Variants in KDM1B observed in about 807,000 individuals in gnomAD.
The protein encoded by KDM1B is lysine demethylase 1B.
A neutral mutation model predicts 107.4 loss-of-function variants in KDM1B; 63 were observed. The observed-to-expected ratio is 0.59, with a 90% CI of 0.48 to 0.72. The LOEUF (loss-of-function observed/expected upper bound fraction) is 0.72, where lower values mean the gene tolerates loss of function less well. KDM1B is among the 30% of genes least tolerant of loss of function. KDM1B has a pLI of 0.00. For synonymous variants in KDM1B, 363 were observed against 363.9 expected (o/e 1.00, Z 0.03); for missense variants, 749 against 1,020.8 (o/e 0.73, Z 3.63).
intron 7 of KDM1B, among the ~76,000 whole-genome samples, chr6:18,177,543 A>T (rs1786104608): frequency 6.7e-6 from 1 of 150,292 alleles, no homozygotes. Context: ...TTGAGGCCAC[A>T]CCTATTTATT....
rs1018578347 is a variant in KDM1B, at chr6:18,155,536, C to G, written c.-93C>G. On this transcript the variant is annotated 5_prime_UTR_variant, in exon 1 of 22. Transcript: ENST00000650836. The surrounding 1 kb of genome is among the most constrained non-coding windows in gnomAD (Gnocchi z 6.2). ...GCGGCTCCGGAGAGGCGCCCGCAGT[C>G]CAGGGCGGCGCGCACCGCCTCGCTG... 11 of 152,856 alleles carry G rather than the reference C, an allele frequency of 7.2e-5. No homozygotes were observed. The highest frequency in any genetic ancestry group is 3.4e-3 in the Middle Eastern group (1 of 292). 9.5% of individuals were successfully genotyped at this position (152,856 alleles called of 1,614,324 possible).
Position 18,160,018 on chromosome 6 carries a change from G to T in KDM1B, c.87+36G>T, listed in dbSNP as rs780665431. ...TTTATTCATTCAACAAGCCTTTTTT[G>T]AGCATGCAGAATTACTGATTGGGAC... On this transcript the variant is annotated intron_variant, in intron 3 of 21. Coordinates refer to ENST00000650836, the MANE Select transcript of KDM1B (RefSeq NM_001364614.2). 21 of 1,373,462 alleles carry T rather than the reference G, an allele frequency of 1.5e-5. No individual in the cohort carries two copies. In the South Asian group the frequency reaches 2.3e-4, roughly 15 times the overall value. 85.1% of individuals were successfully genotyped at this position (1,373,462 alleles called of 1,614,324 possible). A position where few individuals can be genotyped will look rare whatever the true frequency, so the allele number is the denominator to read the frequency against.
In KDM1B at chr6:18,221,901, TTTTACAGGCAACAAACAGGC is replaced by T; in HGVS notation, c.2386-7_2398del. ...CATGATCTCAAATTATGTAATTATG[TTTTACAGGCAACAAACAGGC>T]ATTTCCCACAAACTGTTACAGGGGC... On this transcript the variant is annotated splice_acceptor_variant and splice_polypyrimidine_tract_variant and coding_sequence_variant and intron_variant, in exon 22 of 22. Coordinates refer to ENST00000650836, the MANE Select transcript of KDM1B (RefSeq NM_001364614.2). LOFTEE classifies it high-confidence loss of function. 1 of 1,593,488 alleles carries T rather than the reference TTTTACAGGCAACAAACAGGC, an allele frequency of 6.3e-7. No individual in the cohort carries two copies. Among genetic ancestry groups the T allele is most frequent in the Non-Finnish European group, 8.6e-7 (1 of 1,168,016 alleles).
intron 21 of KDM1B, among the ~76,000 whole-genome samples, chr6:18,221,221 C>T (rs566927527): frequency 4.6e-5 from 7 of 152,222 alleles, no homozygotes; most frequent in Non-Finnish European, 8.8e-5. Flanking sequence ...CTCTCCATTT[C>T]TTATCCTCCA....
In KDM1B at chr6:18,203,650, C is replaced by T. The variant is rs1416381961; in HGVS notation, c.1532-1887C>T. On this transcript the variant is annotated intron_variant, in intron 14 of 21. Coordinates refer to ENST00000650836, the MANE Select transcript of KDM1B (RefSeq NM_001364614.2). The surrounding 1 kb of genome is among the most constrained non-coding windows in gnomAD (Gnocchi z 5.5). ...GGTGGATCACCTGAGTTCAGGAGTT[C>T]GAGACCAGCCTGGCTAACATGGTGA... 2.6e-5 allele frequency among the ~76,000 whole-genome samples: 4 copies of T among 152,034 alleles called. No homozygotes were observed. Among genetic ancestry groups the T allele is most frequent in the Non-Finnish European group, 5.9e-5 (4 of 68,006 alleles).
chr6:18,175,706 A>G (rs1176720173), intron 7 of KDM1B, among the ~76,000 whole-genome samples: 4 of 152,066 alleles, frequency 2.6e-5, no homozygotes, highest in Non-Finnish European at 5.9e-5. Context: ...TTATCCCAGC[A>G]CCATTTGTTG....
At chr6:18,208,628 T>TATATATATATGTATA (rs1491350264) in intron 17 of KDM1B, among the ~76,000 whole-genome samples, 1 of 16,250 alleles carries the variant, frequency 6.2e-5, no homozygotes. Context: ...TATATATATA[T>TATATATATATGTATA]TTTTTTTTTT....
intron 10 of KDM1B, among the ~76,000 whole-genome samples, chr6:18,193,200 A>T (rs1293582019): frequency 6.6e-6 from 1 of 150,494 alleles, no homozygotes; most frequent in Non-Finnish European, 1.5e-5. Context: ...TGTCTAAAAA[A>T]AAAAAAAAAA....
intron 7 of KDM1B, 77 bp downstream of exon 7, chr6:18,171,556 ATGTAT>A: frequency 3.6e-6 from 3 of 825,884 alleles, no homozygotes; most frequent in South Asian, 2.7e-5. Flanking sequence ...TATGTTTTTC[ATGTAT>A]TGTGTTGATC....
intron 21 of KDM1B, 46 bp downstream of exon 21, chr6:18,217,931 G>C (rs887820503): frequency 6.3e-7 from 1 of 1,583,240 alleles, no homozygotes; most frequent in Non-Finnish European, 8.6e-7. Context: ...TTTGATTTCT[G>C]TCTTTCATCT....
intron 17 of KDM1B, 24 bp downstream of exon 17, chr6:18,208,230 G>T: frequency 1.3e-6 from 2 of 1,568,396 alleles, no homozygotes; most frequent in Non-Finnish European, 1.7e-6. Context: ...CAGTACAAGG[G>T]TGGGTAGAAA....
rs67631382 is a variant in KDM1B at position 18,157,808 on chromosome 6, C to CTTTTTTTTTTTTTTTTTTTTTTTTTTTT, written c.-14+1904_-14+1905insTTTTTTTTTTTTTTTTTTTTTTTTTTTT. ...GTATAACAATTATAGGTAGATAGTC[C>CTTTTTTTTTTTTTTTTTTTTTTTTTTTT]TTTTTTTTTTTTTTTTTTTTTTGAG... On this transcript the variant is annotated intron_variant, in intron 2 of 21. Coordinates refer to ENST00000650836, the MANE Select transcript of KDM1B (RefSeq NM_001364614.2). Among the ~76,000 whole-genome samples the CTTTTTTTTTTTTTTTTTTTTTTTTTTTT allele has an allele frequency of 2.6e-5, 3 of 115,632 alleles. 1 individual carries two copies. The highest frequency in any genetic ancestry group is 3.4e-5 in the Non-Finnish European group (2 of 58,530). 75.9% of individuals were successfully genotyped at this position (115,632 alleles called of 152,430 possible). A position where few individuals can be genotyped will look rare whatever the true frequency, so the allele number is the denominator to read the frequency against.
chr6:18,166,184 T>C (rs1785281843), intron 5 of KDM1B, 83 bp from the exon 6 acceptor site: 1 of 663,312 alleles, frequency 1.5e-6, no homozygotes, highest in Non-Finnish European at 2.7e-6. Flanking sequence ...TAAGATTTAC[T>C]AACCTGCCTC....
intron 6 of KDM1B, 106 bp downstream of exon 6, chr6:18,166,484 T>G (rs1409364641): frequency 1.4e-6 from 1 of 702,174 alleles, no homozygotes; most frequent in Non-Finnish European, 2.6e-6. Flanking sequence ...TTATTGTTCC[T>G]TCTATGACTA....
intron 7 of KDM1B, among the ~76,000 whole-genome samples, chr6:18,178,730 T>C (rs1786221663): frequency 6.6e-6 from 1 of 152,228 alleles, no homozygotes; most frequent in Non-Finnish European, 1.5e-5. Context: ...AGTTGTGCAC[T>C]GTTGCAACTA....
At position 18,221,984 on chromosome 6, in the gene KDM1B, G is replaced by A. The variant is rs775814508; in HGVS notation, c.2461G>A (p.Ala821Thr). The change falls in exon 22 of 22, where the codon GCA (alanine) becomes ACA (threonine). Residue 821 changes from alanine to threonine, a missense_variant. Coordinates refer to ENST00000650836, the MANE Select transcript of KDM1B (RefSeq NM_001364614.2). ...SGVREASKIA[A>T]F The stretch of plus-strand genomic sequence containing the variant: ...CGTTCGAGAAGCAAGCAAGATTGCA[G>A]CATTTTAAGAATTCGGTGGACCCAG... The A allele has an allele frequency of 1.2e-6, 2 of 1,613,998 alleles. No homozygotes were observed. The highest frequency in any genetic ancestry group is 3.3e-5 in the Admixed American group (2 of 60,016).
At chr6:18,165,183 G>A (rs1209530520) in intron 5 of KDM1B, among the ~76,000 whole-genome samples, 10 of 121,822 alleles carry the variant, frequency 8.2e-5, no homozygotes. Context: ...CCCCAGGCTG[G>A]AGTGCAGTGG....
rs1297918259 is a variant in KDM1B, at chr6:18,214,395, G to T, written c.2110-612G>T. Reference sequence around the variant, plus strand: ...TTTATTTTTCATTGTTTTATCTGCAGATTTTCCTTCTCCATCTCTTTCTAC... The same window carrying T: ...TTTATTTTTCATTGTTTTATCTGCATATTTTCCTTCTCCATCTCTTTCTAC... On this transcript the variant is annotated intron_variant, in intron 19 of 21. Coordinates refer to ENST00000650836, the MANE Select transcript of KDM1B (RefSeq NM_001364614.2). This position sits in a 1 kb window ranked among gnomAD's most constrained non-coding sequence, Gnocchi z 4.4. Among the ~76,000 whole-genome samples, 2 of 152,148 alleles carry T rather than the reference G, an allele frequency of 1.3e-5. No individual in the cohort carries two copies. The highest frequency in any genetic ancestry group is 2.9e-5 in the Non-Finnish European group (2 of 68,022).
At chr6:18,207,988 A>G (rs575892726) in intron 16 of KDM1B, 144 bp from the exon 17 acceptor site, 13 of 685,182 alleles carry the variant, frequency 1.9e-5, no homozygotes, top group Admixed American at 1.3e-4. Flanking sequence ...CAGTTCAGCT[A>G]TAACAATTGT....
Sources: allele counts gnomAD v4.1 joint callset (sites outside exome capture counted in the v4.1 genomes callset), GRCh38; gene constraint gnomAD v4.1.1; non-coding constraint Gnocchi (gnomAD v3.1); transcripts MANE v1.5; gene names NCBI Gene and HGNC (gene_info 2026-07-23, HGNC 2026-07-21).